The following POLL variants were observed in gnomAD, a reference collection of about 807,000 sequenced individuals.
POLL encodes DNA polymerase lambda.
In POLL, 44 loss-of-function variants were observed where a neutral mutation model predicts 58.1. That is an observed-to-expected ratio of 0.76 (90% CI 0.60 to 0.97). The LOEUF (loss-of-function observed/expected upper bound fraction) is 0.97, where lower values mean the gene tolerates loss of function less well. Ranked by LOEUF, POLL falls within the 50% of genes least tolerant of loss-of-function variation. The probability of loss-of-function intolerance (pLI) is 0.00; values close to 1 mark genes in which losing one functional copy is unlikely to be tolerated. For synonymous variants in POLL, 290 were observed against 283.2 expected, an observed-to-expected ratio of 1.02 and a Z score of -0.24; for missense variants, 632 against 736.8, an observed-to-expected ratio of 0.86 and a Z score of 1.65.
intron 7 of POLL, among the ~76,000 whole-genome samples, chr10:101,582,376 A>T (rs914910490): frequency 2.0e-5 from 3 of 149,768 alleles, no homozygotes; most frequent in Non-Finnish European, 3.0e-5. Context: ...TTGGTGAAAT[A>T]AAAAAAAAAG....
chr10:101,587,549 C>A, intron 1 of POLL, 143 bp from the exon 2 acceptor site: 2 of 1,444,980 alleles, frequency 1.4e-6, no homozygotes, highest in African/African-American at 2.8e-5. Flanking sequence ...GGTTAAACTT[C>A]AGTGGTTTAG....
At chr10:101,587,488 T>G in intron 1 of POLL, 82 bp from the exon 2 acceptor site, 4 of 1,439,204 alleles carry the variant, frequency 2.8e-6, no homozygotes, top group Non-Finnish European at 3.7e-6. Context: ...GCTTTGGGGG[T>G]AGCAGCCCAG....
At chr10:101,585,004 C>CG in intron 4 of POLL, 85 bp from the exon 5 acceptor site, 2 of 886,286 alleles carry the variant, frequency 2.3e-6, no homozygotes, top group Non-Finnish European at 3.1e-6. Context: ...CTTCTTTGTG[C>CG]GGGGGGAGGG....
At chr10:101,583,754 C>T (rs1468733607) in intron 5 of POLL, 73 bp from the exon 6 acceptor site, 4 of 1,361,260 alleles carry the variant, frequency 2.9e-6, no homozygotes, top group Admixed American at 1.8e-5. Flanking sequence ...GGAAAGGAAG[C>T]TGACTCCTCT....
chr10:101,580,032 G>T lies in POLL; in HGVS notation c.1364-215C>A. On this transcript the variant is annotated intron_variant, in intron 8 of 8. Transcript: ENST00000370162. The surrounding 1 kb of genome is among the most constrained non-coding windows in gnomAD (Gnocchi z 4.1). ...AAAGATCAGATGAGATACTTGGCCT[G>T]CAGGGTTCACTGAGCACCTCCACAT... The T allele has an allele frequency of 2.9e-6, 2 of 694,184 alleles. No individual in the cohort carries two copies. Among genetic ancestry groups the T allele is most frequent in the Non-Finnish European group, 4.7e-6 (2 of 421,670 alleles). The allele number at this position is 694,184 out of a possible 1,614,324, so 43.0% of individuals were successfully genotyped here.
intron 6 of POLL, chr10:101,583,158 T>C (rs2063098865): frequency 1.7e-6 from 1 of 593,946 alleles, no homozygotes; most frequent in African/African-American, 1.9e-5. Context: ...TCTTCATCCT[T>C]ACCAAGCTGC....
intron 6 of POLL, 128 bp from the exon 7 acceptor site, chr10:101,583,019 G>A: frequency 1.9e-6 from 2 of 1,071,086 alleles, no homozygotes. Flanking sequence ...CCAACCTAGG[G>A]GCAGTTGGGT....
chr10:101,587,497 A>C, intron 1 of POLL, 91 bp from the exon 2 acceptor site: 1 of 1,125,702 alleles, frequency 8.9e-7, no homozygotes, highest in Non-Finnish European at 1.2e-6. Context: ...GTAGCAGCCC[A>C]GTTTGGGGAA....
chr10:101,586,212 A>AC, intron 2 of POLL, 56 bp from the exon 3 acceptor site: 6 of 1,478,336 alleles, frequency 4.1e-6, no homozygotes, highest in Non-Finnish European at 5.6e-6. Flanking sequence ...TTTATCTGCC[A>AC]CCCCCTGGCC....
chr10:101,588,078 T>C lies in POLL; in HGVS notation c.-303A>G. ...AGGCCAGGGAATCCCAGCTCGGGGC[T>C]AGAAGAAAGCTGGAGTGCCCGACCC... On this transcript the variant is annotated 5_prime_UTR_variant, in exon 1 of 9. Transcript: ENST00000370162. 6.8e-7 allele frequency: 1 copy of C among 1,478,160 alleles called. No homozygotes were observed. The highest frequency in any genetic ancestry group is 1.2e-5 in the South Asian group (1 of 82,582). 91.6% of individuals were successfully genotyped at this position (1,478,160 alleles called of 1,614,324 possible).
intron 3 of POLL, 110 bp downstream of exon 3, chr10:101,585,752 C>G: frequency 9.8e-7 from 1 of 1,023,968 alleles, no homozygotes; most frequent in African/African-American, 1.6e-5. Flanking sequence ...AGGCACACCC[C>G]ACCATGCCTG....
intron 7 of POLL, 104 bp downstream of exon 7, chr10:101,582,659 C>T (rs1410094302): frequency 8.2e-7 from 1 of 1,212,660 alleles, no homozygotes; most frequent in Non-Finnish European, 1.2e-6. Flanking sequence ...ACAGTTTCCT[C>T]TGCCTGCTGT....
Position 101,580,446 on chromosome 10 carries a change from G to A in POLL, c.1195-30C>T, listed in dbSNP as rs1376432520. The A allele has an allele frequency of 6.2e-7, 1 of 1,605,964 alleles. No individual in the cohort carries two copies. The highest frequency in any genetic ancestry group is 8.5e-7 in the Non-Finnish European group (1 of 1,175,048). The stretch of plus-strand genomic sequence containing the variant: ...GAAAGAGAGCGGTGACAGGTGAGGG[G>A]CTGTGCGTGGGGAGCTCCTCTCCCA... On this transcript the variant is annotated intron_variant, in intron 7 of 8. Coordinates refer to ENST00000370162, the MANE Select transcript of POLL (RefSeq NM_001174084.2). The surrounding 1 kb of genome is among the most constrained non-coding windows in gnomAD (Gnocchi z 4.1).
In POLL at chr10:101,586,020, C is replaced by T. The variant is rs762424614; in HGVS notation, c.252G>A (p.Val84=). ...PAQGPGVTHI[V]VDEGMDYERA... Reference sequence around the variant, plus strand: ...GCTCATAGTCCATGCCTTCATCCACCACAATGTGAGTGACACCTGGGCCCT... The same window carrying T: ...GCTCATAGTCCATGCCTTCATCCACTACAATGTGAGTGACACCTGGGCCCT... The change falls in exon 3 of 9, where the codon GTG becomes GTA. Residue 84 remains valine (V), a synonymous_variant. Coordinates refer to ENST00000370162, the MANE Select transcript of POLL (RefSeq NM_001174084.2). 1 of 1,614,088 alleles carries T rather than the reference C, an allele frequency of 6.2e-7. No homozygotes were observed. The highest frequency in any genetic ancestry group is 8.5e-7 in the Non-Finnish European group (1 of 1,180,024).
intron 4 of POLL, 81 bp from the exon 5 acceptor site, chr10:101,585,000 T>A: frequency 1.5e-6 from 1 of 663,262 alleles, no homozygotes; most frequent in Non-Finnish European, 2.2e-6. Context: ...TCATCTTCTT[T>A]GTGCGGGGGG....
Position 101,582,910 on chromosome 10 carries a change from A to G in POLL, c.1066-19T>C, listed in dbSNP as rs373311103. 6.2e-6 allele frequency: 10 copies of G among 1,613,992 alleles called. No homozygotes were observed. In the African/African-American group the frequency reaches 1.1e-4, roughly 17 times the overall value. On this transcript the variant is annotated intron_variant, in intron 6 of 8. Coordinates refer to ENST00000370162, the MANE Select transcript of POLL (RefSeq NM_001174084.2). Reference sequence around the variant, plus strand: ...GGAAGCCCTGGAAAAAAGCAGCCAGATGGGAAGCTGTAAGGATCCAGGACC... The same window carrying G: ...GGAAGCCCTGGAAAAAAGCAGCCAGGTGGGAAGCTGTAAGGATCCAGGACC...
chr10:101,587,424 G>A lies in POLL; in HGVS notation c.-46-18C>T, dbSNP rs1281055357. The A allele has an allele frequency of 6.9e-6, 11 of 1,603,086 alleles. No homozygotes were observed. Among genetic ancestry groups the A allele is most frequent in the South Asian group, 2.2e-5 (2 of 90,840 alleles). ...CAGGGCTGCTGCACGTGGAAATCCA[G>A]AATTGAGGCCCTCCAACCCCTTTGC... On this transcript the variant is annotated intron_variant, in intron 1 of 8. Coordinates refer to ENST00000370162, the MANE Select transcript of POLL (RefSeq NM_001174084.2).
At chr10:101,583,271 G>A in intron 6 of POLL, 1 of 597,908 alleles carries the variant, frequency 1.7e-6, no homozygotes, top group Non-Finnish European at 3.0e-6. Flanking sequence ...TGGGGAGACT[G>A]AGAAACATAC....
chr10:101,587,807 A>G lies in POLL; in HGVS notation c.-47+15T>C. On this transcript the variant is annotated intron_variant, in intron 1 of 8. Coordinates refer to ENST00000370162, the MANE Select transcript of POLL (RefSeq NM_001174084.2). ...GGGAGGACCTGCACATAAACCCCAC[A>G]TACTATTTCTCTACCTCCAACACAG... The G allele has an allele frequency of 8.4e-7, 1 of 1,190,772 alleles. No homozygotes were observed. The highest frequency in any genetic ancestry group is 2.4e-4 in the Middle Eastern group (1 of 4,226). The allele number at this position is 1,190,772 out of a possible 1,614,324, so 73.8% of individuals were successfully genotyped here.
Sources: gnomAD v4.1 joint callset for allele counts (sites outside exome capture counted in the v4.1 genomes callset) on GRCh38, gnomAD v4.1.1 for gene constraint, Gnocchi (gnomAD v3.1) non-coding constraint, MANE v1.5 for transcripts, NCBI Gene and HGNC (gene_info 2026-07-23, HGNC 2026-07-21) for gene names.